MTRF1: variants seen among roughly 807,000 people sequenced by gnomAD.
MTRF1 encodes the protein peptide chain release factor 1, mitochondrial.
In MTRF1, 51 loss-of-function variants were observed where a neutral mutation model predicts 62.9. The ratio of observed to expected loss-of-function variants is 0.81; its 90% confidence interval spans 0.65 to 1.02. The LOEUF is 1.02. MTRF1 is among the 50% of genes least tolerant of loss of function. The pLI is 0.00. For missense variants in MTRF1, 446 were observed against 530.0 expected, an observed-to-expected ratio of 0.84 and a Z score of 1.56; for synonymous variants, 158 against 181.9, an observed-to-expected ratio of 0.87 and a Z score of 1.06.
At chr13:41,308,656 G>C in the MTRF1 span, among the ~76,000 whole-genome samples, 3 of 152,154 alleles carry the variant, frequency 2.0e-5, no homozygotes, top group Non-Finnish European at 4.4e-5. Flanking sequence ...CTTCCTAACA[G>C]CTTGGGCAGC....
At chr13:41,292,250 T>G in the MTRF1 span, among the ~76,000 whole-genome samples, 1 of 152,188 alleles carries the variant, frequency 6.6e-6, no homozygotes, top group Non-Finnish European at 1.5e-5. Flanking sequence ...TTTATTTTTC[T>G]TATTCAATTC....
At chr13:41,289,275 C>A in the MTRF1 span, among the ~76,000 whole-genome samples, 262 of 141,902 alleles carry the variant, frequency 1.8e-3, 2 homozygotes, top group African/African-American at 6.6e-3. Flanking sequence ...CGCTCTGTCA[C>A]CCAGGCTGGA....
At chr13:41,273,406 G>C in the MTRF1 span, among the ~76,000 whole-genome samples, 8 of 152,006 alleles carry the variant, frequency 5.3e-5, no homozygotes, top group Non-Finnish European at 1.2e-4. Flanking sequence ...AAATATCTGA[G>C]ACAGGTCTCG....
the MTRF1 span, among the ~76,000 whole-genome samples, chr13:41,280,731 T>G: frequency 2.0e-5 from 3 of 152,192 alleles, no homozygotes; most frequent in South Asian, 6.2e-4. Flanking sequence ...TCACTCATAT[T>G]TGCCTCAGAA....
At chr13:41,237,077 G>A (rs1183723374) in intron 6 of MTRF1, among the ~76,000 whole-genome samples, 3 of 151,914 alleles carry the variant, frequency 2.0e-5, no homozygotes, top group Non-Finnish European at 4.4e-5. Flanking sequence ...AAATTAGCCA[G>A]GCATTGTGGC....
intron 5 of MTRF1, among the ~76,000 whole-genome samples, chr13:41,250,563 G>A (rs535455191): frequency 3.6e-4 from 55 of 151,136 alleles, no homozygotes; most frequent in Admixed American, 9.2e-4. Flanking sequence ...GTGTGATCTC[G>A]ACTCACTGCA....
chr13:41,309,865 G>A, the MTRF1 span, among the ~76,000 whole-genome samples: 1 of 152,060 alleles, frequency 6.6e-6, no homozygotes, highest in African/African-American at 2.4e-5. Context: ...GTGTGGTGGT[G>A]CATGCCTGTC....
the MTRF1 span, among the ~76,000 whole-genome samples, chr13:41,273,612 T>A: frequency 6.6e-6 from 1 of 151,870 alleles, no homozygotes; most frequent in Non-Finnish European, 1.5e-5. Context: ...CTGAGGCAGG[T>A]GGATCACCTG....
At chr13:41,274,861 C>G in the MTRF1 span, among the ~76,000 whole-genome samples, 1 of 152,032 alleles carries the variant, frequency 6.6e-6, no homozygotes, top group Admixed American at 6.6e-5. Context: ...GATTCACCCC[C>G]CTTGGCCTCC....
At chr13:41,278,838 C>A in the MTRF1 span, among the ~76,000 whole-genome samples, 3 of 152,146 alleles carry the variant, frequency 2.0e-5, no homozygotes, top group African/African-American at 7.2e-5. Flanking sequence ...TCTGAATGGA[C>A]CCCTCCTCTG....
chr13:41,287,840 G>T, the MTRF1 span: 155 of 307,658 alleles, frequency 5.0e-4, 2 homozygotes, highest in South Asian at 4.8e-3. Context: ...CTCGCTATGT[G>T]AGAGCCAAGC....
intron 3 of MTRF1, among the ~76,000 whole-genome samples, chr13:41,253,855 C>T (rs1179287691): frequency 6.6e-6 from 1 of 152,188 alleles, no homozygotes; most frequent in Admixed American, 6.5e-5. Context: ...CAAAAAGCCC[C>T]TCTATTGGAT....
At position 41,234,042 on chromosome 13, in the gene MTRF1, G is replaced by A. The variant is rs372691773; in HGVS notation, c.871-35C>T. ...AAGGCATGGCATAATTCTACACTCCGTGAATACTTTAATATAAAATCGATT... is the reference window on the plus strand; with the variant it reads ...AAGGCATGGCATAATTCTACACTCCATGAATACTTTAATATAAAATCGATT... On this transcript the variant is annotated intron_variant, in intron 6 of 9. Transcript: ENST00000379480. The A allele has an allele frequency of 3.3e-5, 47 of 1,421,166 alleles. 1 individual carries two copies. Among genetic ancestry groups the A allele is most frequent in the Middle Eastern group, 3.5e-4 (2 of 5,676 alleles). 88.0% of individuals were successfully genotyped at this position (1,421,166 alleles called of 1,614,324 possible).
intron 5 of MTRF1, among the ~76,000 whole-genome samples, chr13:41,247,294 T>C (rs903000928): frequency 2.6e-5 from 4 of 152,182 alleles, no homozygotes; most frequent in Non-Finnish European, 4.4e-5. Flanking sequence ...AGAGCTGATA[T>C]ACCCTAACGG....
At chr13:41,292,855 G>A in the MTRF1 span, among the ~76,000 whole-genome samples, 2 of 152,116 alleles carry the variant, frequency 1.3e-5, no homozygotes, top group South Asian at 2.1e-4. Flanking sequence ...AGGACTGGTT[G>A]AGCCAAGTAG....
intron 1 of MTRF1, chr13:41,262,416 G>C (rs2040571640): frequency 6.7e-6 from 1 of 150,244 alleles, no homozygotes; most frequent in South Asian, 2.1e-4. Flanking sequence ...AATACCTTTT[G>C]CTTGCTATTT....
chr13:41,306,307 C>T, the MTRF1 span, among the ~76,000 whole-genome samples: 4 of 151,896 alleles, frequency 2.6e-5, no homozygotes, highest in African/African-American at 9.7e-5. Flanking sequence ...CGGCGTGAAC[C>T]CGGGAGGCGG....
intron 2 of MTRF1, 41 bp from the exon 3 acceptor site, chr13:41,254,661 A>G: frequency 6.7e-7 from 1 of 1,485,842 alleles, no homozygotes; most frequent in Non-Finnish European, 9.3e-7. Context: ...GTTTTTAAAT[A>G]CTTACAGAGA....
At chr13:41,244,219 A>C (rs2037928278) in intron 5 of MTRF1, among the ~76,000 whole-genome samples, 1 of 87,442 alleles carries the variant, frequency 1.1e-5, no homozygotes, top group South Asian at 3.7e-4. Flanking sequence ...TCCTTAACTC[A>C]ACTTTCTTTC....
Sources: allele counts gnomAD v4.1 joint callset (sites outside exome capture counted in the v4.1 genomes callset), GRCh38; gene constraint gnomAD v4.1.1; transcripts MANE v1.5; gene names NCBI Gene and HGNC (gene_info 2026-07-23, HGNC 2026-07-21).